MIAT: variants seen among roughly 807,000 people sequenced by gnomAD.
MIAT encodes MI related novel mRNA.
At chr22:26,659,666 C>T (rs148068293) in intron 2 of MIAT, among the ~76,000 whole-genome samples, 247 of 151,848 alleles carry the variant, frequency 1.6e-3, no homozygotes, top group Admixed American at 6.9e-3. Context: ...GGTGAGACCC[C>T]TGTCTCTAAA....
chr22:26,655,479 T>C (rs1231443452), intron 2 of MIAT, among the ~76,000 whole-genome samples: 3 of 152,222 alleles, frequency 2.0e-5, no homozygotes, highest in African/African-American at 7.2e-5. Flanking sequence ...AGAGATGTTG[T>C]AGTTTAATAA....
downstream of MIAT, chr22:26,672,969 G>A (rs761565618): frequency 2.5e-6 from 1 of 398,636 alleles, no homozygotes; most frequent in Non-Finnish European, 4.4e-6. Flanking sequence ...GGAGCCGAGA[G>A]AGGCCGGTTT....
downstream of MIAT, chr22:26,673,706 CAG>C (rs1931155431): frequency 2.5e-6 from 1 of 397,952 alleles, no homozygotes; most frequent in Admixed American, 4.4e-5. Flanking sequence ...TTGACTAACA[CAG>C]GGAAAAGCAT....
At chr22:26,667,431 C>T (rs1287721420) in intron 5 of MIAT, 3 of 392,872 alleles carry the variant, frequency 7.6e-6, no homozygotes, top group East Asian at 3.6e-5. Flanking sequence ...TGTGTATGCG[C>T]GCGTGTGTGT....
chr22:26,667,351 T>TGTGTGTGTGTGTGTGTGC (rs1416499221), intron 5 of MIAT: 3 of 397,294 alleles, frequency 7.6e-6, no homozygotes, highest in African/African-American at 6.2e-5. Context: ...TGTGTGTGTG[T>TGTGTGTGTGTGTGTGTGC]GTGCGTGTGC....
At position 26,650,591 on chromosome 22, in the gene MIAT, T is replaced by G. The variant is rs143049956; in HGVS notation, n.646+3280T>G. ...CCATTTATCCTTTATCTAGAGAGACTGCTGACTTTCACACATTTAGGCGCC... is the reference window on the plus strand; with the variant it reads ...CCATTTATCCTTTATCTAGAGAGACGGCTGACTTTCACACATTTAGGCGCC... On this transcript the variant is annotated intron_variant and non_coding_transcript_variant, in intron 2 of 5. Coordinates refer to ENST00000643270, the Ensembl canonical transcript of MIAT. The G allele has an allele frequency of 1.2e-3, 177 of 152,358 alleles. 1 individual carries two copies. Among genetic ancestry groups the G allele is most frequent in the African/African-American group, 4.2e-3 (173 of 41,576 alleles). 9.4% of individuals were successfully genotyped at this position (152,358 alleles called of 1,614,324 possible). A position where few individuals can be genotyped will look rare whatever the true frequency, so the allele number is the denominator to read the frequency against.
At chr22:26,653,416 TCC>T (rs572884844) in intron 2 of MIAT, among the ~76,000 whole-genome samples, 117 of 152,014 alleles carry the variant, frequency 7.7e-4, no homozygotes, top group African/African-American at 2.7e-3. Flanking sequence ...CTCCGCCACC[TCC>T]CCACTGCTTG....
chr22:26,650,852 T>C (rs1930324625), intron 2 of MIAT, among the ~76,000 whole-genome samples: 1 of 152,218 alleles, frequency 6.6e-6, no homozygotes, highest in South Asian at 2.1e-4. Flanking sequence ...CAGACAGCAC[T>C]GGGTTTCAAT....
At chr22:26,661,725 A>G (rs531071003) in intron 2 of MIAT, among the ~76,000 whole-genome samples, 2 of 151,978 alleles carry the variant, frequency 1.3e-5, no homozygotes, top group Non-Finnish European at 2.9e-5. Context: ...CCACTCTCCT[A>G]AAAGTGAACT....
intron 2 of MIAT, among the ~76,000 whole-genome samples, chr22:26,656,327 C>CT (rs201892323): frequency 3.1e-3 from 421 of 134,840 alleles, no homozygotes; most frequent in East Asian, 0.013. Context: ...TTTTCTTTTT[C>CT]TTTTTTTTTT....
In MIAT at chr22:26,647,374, GGAGAGAGAGAGAGAGAGAGA is replaced by G. The variant is rs55740419; in HGVS notation, n.646+96_646+115del. ...TGGGGGCGGCGGGGACGTGGGGGGT[GGAGAGAGAGAGAGAGAGAGA>G]GAGAGAGAGAGAGAGAGAGAGAGAG... On this transcript the variant is annotated intron_variant and non_coding_transcript_variant, in intron 2 of 5. Transcript: ENST00000643270. 1.9e-3 allele frequency: 245 copies of G among 126,982 alleles called. 1 individual carries two copies. Among genetic ancestry groups the G allele is most frequent in the Admixed American group, 0.013 (83 of 6,470 alleles). The allele number at this position is 126,982 out of a possible 1,614,324, so 7.9% of individuals were successfully genotyped here.
intron 5 of MIAT, chr22:26,667,786 C>T (rs1043339276): frequency 1.1e-4 from 19 of 173,358 alleles, no homozygotes; most frequent in Non-Finnish European, 1.9e-4. Flanking sequence ...TCAATACATC[C>T]TCCCACCTCA....
chr22:26,650,777 G>A (rs546496549), intron 2 of MIAT, among the ~76,000 whole-genome samples: 2 of 152,136 alleles, frequency 1.3e-5, no homozygotes, highest in African/African-American at 4.8e-5. Flanking sequence ...TCCCTTCCTA[G>A]GGGAAAAAAG....
At chr22:26,650,589 ACTG>A (rs1930319440) in intron 2 of MIAT, 1 of 152,156 alleles carries the variant, frequency 6.6e-6, no homozygotes, top group Non-Finnish European at 1.5e-5. Context: ...ATCTAGAGAG[ACTG>A]CTGACTTTCA....
chr22:26,657,695 G>A (rs1930512763), intron 2 of MIAT: 2 of 398,618 alleles, frequency 5.0e-6, no homozygotes, highest in South Asian at 2.5e-4. Context: ...CTTCCCAAGT[G>A]TCCTTGTCCC....
At chr22:26,652,452 G>A (rs1185750550) in intron 2 of MIAT, among the ~76,000 whole-genome samples, 1 of 151,986 alleles carries the variant, frequency 6.6e-6, no homozygotes, top group Non-Finnish European at 1.5e-5. Context: ...CCAACTCCCG[G>A]GTTCAAGCAA....
At chr22:26,670,056 A>AT (rs35523695), downstream of MIAT, 123,115 of 382,370 alleles carry the variant, frequency 0.32, 9,435 homozygotes, top group East Asian at 0.42. Context: ...GGGTTTATCT[A>AT]TTTTTTTTTT....
intron 2 of MIAT, chr22:26,657,125 C>T: frequency 5.4e-6 from 1 of 183,714 alleles, no homozygotes; most frequent in Non-Finnish European, 1.1e-5. Flanking sequence ...CTCCGGGGTT[C>T]AGGCTTCTGC....
chr22:26,656,484 C>A (rs796843794), intron 2 of MIAT, among the ~76,000 whole-genome samples: 7 of 150,988 alleles, frequency 4.6e-5, no homozygotes, highest in South Asian at 2.1e-4. Flanking sequence ...GCCACCACAC[C>A]CGGCTAATTT....
Sources: gnomAD v4.1 joint callset for allele counts (sites outside exome capture counted in the v4.1 genomes callset) on GRCh38, gnomAD v4.1.1 for gene constraint, MANE v1.5 for transcripts, NCBI Gene and HGNC (gene_info 2026-07-23, HGNC 2026-07-21) for gene names.